Variants in PLXNA4 observed in about 807,000 individuals in gnomAD.
PLXNA4 encodes the protein plexin A4, also known as plexin-A4.
A neutral mutation model predicts 191.8 loss-of-function variants in PLXNA4; 44 were observed. That is an observed-to-expected ratio of 0.23 (90% CI 0.18 to 0.29). The LOEUF (loss-of-function observed/expected upper bound fraction) is 0.29. Ranked by LOEUF, PLXNA4 falls within the 10% of genes least tolerant of loss-of-function variation. The pLI is 1.00. For missense variants in PLXNA4, 1,800 were observed against 2,488.8 expected, an observed-to-expected ratio of 0.72 and a Z score of 5.89; for synonymous variants, 1,082 against 1,009.5, an observed-to-expected ratio of 1.07 and a Z score of -1.36.
At chr7:132,554,618 C>T (rs1169729001) in intron 1 of PLXNA4, among the ~76,000 whole-genome samples, 8 of 152,200 alleles carry the variant, frequency 5.3e-5, no homozygotes, top group African/African-American at 9.7e-5. Context: ...GAATCGAGCA[C>T]GCTCTGAACC....
intron 30 of PLXNA4, among the ~76,000 whole-genome samples, chr7:132,136,111 C>A (rs1170569656): frequency 1.3e-5 from 2 of 152,136 alleles, no homozygotes; most frequent in Non-Finnish European, 2.9e-5. Flanking sequence ...CCCTCCTGCT[C>A]CCCCACTCCC....
chr7:132,452,210 C>G (rs1181413848), intron 3 of PLXNA4, among the ~76,000 whole-genome samples: 1 of 152,220 alleles, frequency 6.6e-6, no homozygotes, highest in Non-Finnish European at 1.5e-5. Flanking sequence ...TATCTGTCAT[C>G]ATCTCCCCCA....
intron 3 of PLXNA4, among the ~76,000 whole-genome samples, chr7:132,388,642 C>T (rs137866695): frequency 5.3e-5 from 8 of 152,232 alleles, no homozygotes; most frequent in South Asian, 2.1e-4. Context: ...AGGATAAGTA[C>T]GTATGAAGAG....
intron 13 of PLXNA4, among the ~76,000 whole-genome samples, chr7:132,197,291 A>G (rs1185427598): frequency 2.6e-5 from 4 of 152,182 alleles, no homozygotes; most frequent in Non-Finnish European, 5.9e-5. Flanking sequence ...ACCAGCATCA[A>G]TTATTGAATG....
At chr7:132,538,055 C>T (rs528147175) in intron 1 of PLXNA4, among the ~76,000 whole-genome samples, 28 of 152,360 alleles carry the variant, frequency 1.8e-4, no homozygotes, top group South Asian at 1.2e-3. Flanking sequence ...AAGGATCAGA[C>T]AATCGCTGTC....
intron 12 of PLXNA4, among the ~76,000 whole-genome samples, 165 bp from the exon 13 acceptor site, chr7:132,198,801 G>A (rs751033780): frequency 4.6e-5 from 7 of 152,314 alleles, no homozygotes; most frequent in Non-Finnish European, 8.8e-5. Flanking sequence ...ATGGGTAGTA[G>A]CTTCTAGGAA....
chr7:132,176,437 T>G (rs1234526686), intron 20 of PLXNA4, among the ~76,000 whole-genome samples: 1 of 152,204 alleles, frequency 6.6e-6, no homozygotes, highest in Non-Finnish European at 1.5e-5. Flanking sequence ...AACATGGGTG[T>G]GTATGCTTAT....
chr7:132,558,897 C>T (rs1800912708), intron 1 of PLXNA4, among the ~76,000 whole-genome samples: 1 of 152,032 alleles, frequency 6.6e-6, no homozygotes, highest in Non-Finnish European at 1.5e-5. Flanking sequence ...GGATTCCCTA[C>T]CTTTGTTGCA....
intron 1 of PLXNA4, among the ~76,000 whole-genome samples, chr7:132,563,892 C>T (rs1166500159): frequency 5.4e-5 from 7 of 128,590 alleles, no homozygotes; most frequent in African/African-American, 2.1e-4. Context: ...CCTTCTGCTG[C>T]TCCTCCTCCT....
At chr7:132,435,848 T>C (rs1795451279) in intron 3 of PLXNA4, among the ~76,000 whole-genome samples, 1 of 152,120 alleles carries the variant, frequency 6.6e-6, no homozygotes, top group Admixed American at 6.5e-5. Context: ...AGCTTTGTAG[T>C]CCAAGGATAA....
chr7:132,176,897 C>T (rs556512313), intron 20 of PLXNA4, among the ~76,000 whole-genome samples: 4 of 150,936 alleles, frequency 2.7e-5, no homozygotes, highest in East Asian at 2.0e-4. Context: ...TATGTGTGCA[C>T]GCATGTGTGA....
At chr7:132,631,407 C>A (rs1285800201) in intron 2 of PLXNA4, among the ~76,000 whole-genome samples, 2 of 152,118 alleles carry the variant, frequency 1.3e-5, no homozygotes, top group Admixed American at 1.3e-4. Flanking sequence ...ATATACTTAA[C>A]AAGTGTTTGA....
intron 25 of PLXNA4, among the ~76,000 whole-genome samples, chr7:132,153,972 G>A (rs745807375): frequency 6.6e-6 from 1 of 152,156 alleles, no homozygotes; most frequent in Non-Finnish European, 1.5e-5. Flanking sequence ...CTGAAGAAAG[G>A]AAAGGGTGGA....
At position 132,146,079 on chromosome 7, in the gene PLXNA4, C is replaced by CA. The variant is rs67412588; in HGVS notation, c.5055+430dup. On this transcript the variant is annotated intron_variant, in intron 28 of 31. Coordinates refer to ENST00000321063, the MANE Select transcript of PLXNA4 (RefSeq NM_020911.2). Reference sequence around the variant, plus strand: ...TGGGTGACAGAACAAGACTCTGTCTCAAAAAAAAAAAAAAAAAAAAAAAAG... The same window carrying CA: ...TGGGTGACAGAACAAGACTCTGTCTCAAAAAAAAAAAAAAAAAAAAAAAAAG... 3.2e-3 allele frequency among the ~76,000 whole-genome samples: 158 copies of CA among 48,800 alleles called. 1 individual carries two copies. Among genetic ancestry groups the CA allele is most frequent in the Admixed American group, 5.9e-3 (20 of 3,368 alleles). The allele number at this position is 48,800 out of a possible 152,430, so 32.0% of individuals were successfully genotyped here. A position where few individuals can be genotyped will look rare whatever the true frequency, so the allele number is the denominator to read the frequency against.
chr7:132,559,310 G>T (rs556338052), intron 1 of PLXNA4, among the ~76,000 whole-genome samples: 2 of 152,198 alleles, frequency 1.3e-5, no homozygotes, highest in South Asian at 4.2e-4. Context: ...CACTTACCCT[G>T]CCCCCTGTTT....
rs1168866466 is a variant in PLXNA4 at position 132,125,106 on chromosome 7, A to T, written c.*5373T>A. On this transcript the variant is annotated 3_prime_UTR_variant, in exon 32 of 32. Transcript: ENST00000321063. Reference sequence around the variant, plus strand: ...AGTGGATTACTTTCCAAATGAGAGGAGTGGTCATTTAGGTTTCCTGTCAAG... The same window carrying T: ...AGTGGATTACTTTCCAAATGAGAGGTGTGGTCATTTAGGTTTCCTGTCAAG... The T allele has an allele frequency of 4.6e-5, 7 of 151,848 alleles. No individual in the cohort carries two copies. Among genetic ancestry groups the T allele is most frequent in the Admixed American group, 4.6e-4 (7 of 15,262 alleles). The allele number at this position is 151,848 out of a possible 1,614,324, so 9.4% of individuals were successfully genotyped here.
chr7:132,587,833 A>G (rs1802530448), intron 2 of PLXNA4, among the ~76,000 whole-genome samples: 1 of 151,838 alleles, frequency 6.6e-6, no homozygotes, highest in Admixed American at 6.6e-5. Flanking sequence ...GTGCTGGTCC[A>G]TATGAATTCA....
At position 132,223,421 on chromosome 7, in the gene PLXNA4, G is replaced by T. The variant is rs1430226784; in HGVS notation, c.2097+106C>A. 3 of 916,772 alleles carry T rather than the reference G, an allele frequency of 3.3e-6. No individual in the cohort carries two copies. In the East Asian group the frequency reaches 8.0e-5, roughly 24 times the overall value. The allele number at this position is 916,772 out of a possible 1,614,324, so 56.8% of individuals were successfully genotyped here. On this transcript the variant is annotated intron_variant, in intron 9 of 31. Transcript: ENST00000321063. ...CTTAAGAGCCAGGAAGAAGGGGGTG[G>T]TCCTGCACAGTTTTCCTTTGGTTTC...
In PLXNA4 at chr7:132,237,911, C is replaced by T. The variant is rs78227026; in HGVS notation, c.1604+3155G>A. ...AGTGAAAAATTTGAGTGATCTGGCA[C>T]GCACACTCCCAGCTGAGGTGGGATA... On this transcript the variant is annotated intron_variant, in intron 5 of 31. Transcript: ENST00000321063. 3.5e-3 allele frequency among the ~76,000 whole-genome samples: 538 copies of T among 152,296 alleles called. 1 individual carries two copies. The highest frequency in any genetic ancestry group is 0.012 in the African/African-American group (480 of 41,560).
Sources: allele counts gnomAD v4.1 joint callset (sites outside exome capture counted in the v4.1 genomes callset), GRCh38; gene constraint gnomAD v4.1.1; transcripts MANE v1.5; gene names NCBI Gene and HGNC (gene_info 2026-07-23, HGNC 2026-07-21).